MYO3B: variants seen among roughly 807,000 people sequenced by gnomAD.
MYO3B encodes myosin-IIIb.
A neutral mutation model predicts 174.6 loss-of-function variants in MYO3B; 156 were observed. That is an observed-to-expected ratio of 0.89 (90% CI 0.78 to 1.02). MYO3B has a LOEUF of 1.02. Ranked by LOEUF, MYO3B falls within the 50% of genes least tolerant of loss-of-function variation. The pLI, the probability that MYO3B is intolerant of heterozygous loss-of-function variation, is 0.00. For missense variants in MYO3B, 1,632 were observed against 1,639.4 expected (o/e 1.00, Z 0.08); for synonymous variants, 563 against 569.1 (o/e 0.99, Z 0.15).
intron 22 of MYO3B, among the ~76,000 whole-genome samples, chr2:170,422,785 A>G (rs2094627094): frequency 6.6e-6 from 1 of 151,968 alleles, no homozygotes; most frequent in Admixed American, 6.6e-5. Context: ...CCACATTTTA[A>G]AAGTAATAAA....
At chr2:170,648,067 C>T (rs1213112752) in intron 32 of MYO3B, 1 of 152,198 alleles carries the variant, frequency 6.6e-6, no homozygotes, top group African/African-American at 2.4e-5. Flanking sequence ...CTTCATTGAT[C>T]TATAAATCAG....
At chr2:170,197,801 A>G (rs930639324) in intron 1 of MYO3B, among the ~76,000 whole-genome samples, 1 of 152,198 alleles carries the variant, frequency 6.6e-6, no homozygotes, top group Non-Finnish European at 1.5e-5. Flanking sequence ...ATGCATAAAT[A>G]ACATTTTATG....
intron 7 of MYO3B, among the ~76,000 whole-genome samples, chr2:170,315,438 T>C (rs1487971964): frequency 6.6e-6 from 1 of 152,046 alleles, no homozygotes; most frequent in Non-Finnish European, 1.5e-5. Flanking sequence ...CCTGAGTAGC[T>C]GGGATCACAG....
chr2:170,445,378 G>A (rs2094833440), intron 23 of MYO3B, among the ~76,000 whole-genome samples: 1 of 151,582 alleles, frequency 6.6e-6, no homozygotes, highest in Admixed American at 6.6e-5. Context: ...TTTCACTCTT[G>A]TTGCCCAGGC....
intron 7 of MYO3B, among the ~76,000 whole-genome samples, chr2:170,284,375 G>A (rs2093538290): frequency 6.6e-6 from 1 of 152,068 alleles, no homozygotes; most frequent in African/African-American, 2.4e-5. Context: ...CCTACCAAAA[G>A]CAGCAGTCTC....
chr2:170,262,637 A>G (rs1276728571), intron 7 of MYO3B, among the ~76,000 whole-genome samples: 2 of 152,148 alleles, frequency 1.3e-5, no homozygotes, highest in Non-Finnish European at 2.9e-5. Context: ...GAAGAAATCA[A>G]AGCTGATCCT....
At chr2:170,597,213 TACAA>T (rs1694208771) in intron 32 of MYO3B, among the ~76,000 whole-genome samples, 1 of 151,568 alleles carries the variant, frequency 6.6e-6, no homozygotes, top group Non-Finnish European at 1.5e-5. Context: ...TCTACTAAAA[TACAA>T]ACAAAATTAG....
chr2:170,191,264 C>T (rs553252192), intron 1 of MYO3B, among the ~76,000 whole-genome samples: 2 of 151,878 alleles, frequency 1.3e-5, no homozygotes, highest in African/African-American at 2.4e-5. Context: ...GAAAGAGTCT[C>T]TTCTGGAGCT....
chr2:170,247,453 A>AT (rs1286634012), intron 7 of MYO3B, among the ~76,000 whole-genome samples: 1 of 152,202 alleles, frequency 6.6e-6, no homozygotes, highest in Admixed American at 6.5e-5. Context: ...CATCCTGGTC[A>AT]TGGGGAATGG....
chr2:170,503,118 C>G (rs1435307934), intron 28 of MYO3B, among the ~76,000 whole-genome samples: 1 of 152,184 alleles, frequency 6.6e-6, no homozygotes, highest in African/African-American at 2.4e-5. Context: ...AACAGGGTAC[C>G]AAACTGATTT....
chr2:170,578,177 C>A (rs1418399207), intron 32 of MYO3B, among the ~76,000 whole-genome samples: 1 of 152,194 alleles, frequency 6.6e-6, no homozygotes, highest in Non-Finnish European at 1.5e-5. Flanking sequence ...TCCCCACAAC[C>A]CAGACAAGCT....
At chr2:170,532,732 C>T (rs924184423) in intron 30 of MYO3B, among the ~76,000 whole-genome samples, 3 of 149,082 alleles carry the variant, frequency 2.0e-5, no homozygotes, top group Admixed American at 6.8e-5. Flanking sequence ...AGGAGAATCA[C>T]TTGAACCTGG....
chr2:170,296,231 G>C (rs2093628046), intron 7 of MYO3B, among the ~76,000 whole-genome samples: 1 of 152,186 alleles, frequency 6.6e-6, no homozygotes, highest in African/African-American at 2.4e-5. Context: ...TGAGAGAGCT[G>C]CTTTTGTCTT....
At chr2:170,515,084 C>A in intron 29 of MYO3B, 62 bp downstream of exon 29, 1 of 1,437,510 alleles carries the variant, frequency 7.0e-7, no homozygotes, top group Non-Finnish European at 9.7e-7. Flanking sequence ...GAGAAGGTTC[C>A]AAAGCTGGAA....
At chr2:170,402,564 A>G (rs1249489277) in intron 18 of MYO3B, among the ~76,000 whole-genome samples, 1 of 152,150 alleles carries the variant, frequency 6.6e-6, no homozygotes, top group Admixed American at 6.5e-5. Flanking sequence ...CCCTTCAAAC[A>G]AAAGGACTTT....
chr2:170,533,401 G>A (rs1689478552), intron 30 of MYO3B, among the ~76,000 whole-genome samples: 1 of 135,290 alleles, frequency 7.4e-6, no homozygotes, highest in Non-Finnish European at 1.5e-5. Context: ...GGAAAACTGG[G>A]TTAAATATTA....
intron 7 of MYO3B, among the ~76,000 whole-genome samples, chr2:170,325,277 G>C (rs987658337): frequency 1.5e-4 from 23 of 151,736 alleles, no homozygotes; most frequent in African/African-American, 5.6e-4. Context: ...GTACAATCTT[G>C]GCTCACTGCA....
intron 7 of MYO3B, among the ~76,000 whole-genome samples, chr2:170,245,913 A>G (rs1271077988): frequency 3.9e-5 from 6 of 152,198 alleles, no homozygotes; most frequent in Non-Finnish European, 8.8e-5. Context: ...CATGTACCCT[A>G]GAACTTAAAG....
intron 32 of MYO3B, among the ~76,000 whole-genome samples, chr2:170,643,059 G>A (rs1452288422): frequency 2.6e-5 from 4 of 151,720 alleles, no homozygotes; most frequent in Non-Finnish European, 4.4e-5. Context: ...CCATGTCCAG[G>A]CTTTGACCCG....
Sources: allele counts gnomAD v4.1 joint callset (sites outside exome capture counted in the v4.1 genomes callset), GRCh38; gene constraint gnomAD v4.1.1; transcripts MANE v1.5; gene names NCBI Gene and HGNC (gene_info 2026-07-23, HGNC 2026-07-21).